The following WDFY1 variants were observed in gnomAD, a reference collection of about 807,000 sequenced individuals.
The protein encoded by WDFY1 is WD repeat and FYVE domain-containing protein 1.
A neutral mutation model predicts 56.4 loss-of-function variants in WDFY1; 32 were observed. The ratio of observed to expected loss-of-function variants is 0.57; its 90% confidence interval spans 0.43 to 0.76. The LOEUF (loss-of-function observed/expected upper bound fraction) is 0.76. Among genes scored for constraint, WDFY1 ranks in the 30% least tolerant of loss-of-function variants. The pLI is 0.00. For missense variants in WDFY1, 480 were observed against 545.7 expected (o/e 0.88, Z 1.20); for synonymous variants, 192 against 197.3 (o/e 0.97, Z 0.23).
chr2:223,922,060 C>G (rs1161965802), intron 1 of WDFY1, among the ~76,000 whole-genome samples: 5 of 152,174 alleles, frequency 3.3e-5, no homozygotes, highest in Non-Finnish European at 5.9e-5. Flanking sequence ...AACTGACAAC[C>G]TTAGCGCCTA....
At chr2:223,906,920 T>C (rs2106085811) in intron 3 of WDFY1, among the ~76,000 whole-genome samples, 1 of 151,268 alleles carries the variant, frequency 6.6e-6, no homozygotes, top group African/African-American at 2.4e-5. Context: ...GCTATGAAGA[T>C]AAAACTCTAA....
chr2:223,890,424 T>C (rs759557121), intron 8 of WDFY1, among the ~76,000 whole-genome samples: 40 of 152,074 alleles, frequency 2.6e-4, no homozygotes, highest in Non-Finnish European at 2.8e-4. Context: ...GTGACAAAAA[T>C]ATATGCTTAA....
At chr2:223,928,879 C>T (rs550170713) in intron 1 of WDFY1, among the ~76,000 whole-genome samples, 2 of 152,234 alleles carry the variant, frequency 1.3e-5, no homozygotes, top group African/African-American at 2.4e-5. Flanking sequence ...GTGGATTCAA[C>T]GTGTCTGCAG....
chr2:223,944,873 G>T (rs1374897396), intron 1 of WDFY1, among the ~76,000 whole-genome samples: 1 of 124,244 alleles, frequency 8.0e-6, no homozygotes, highest in East Asian at 2.5e-4. Context: ...GCGGTGAGAC[G>T]GAGTTCCCGG....
intron 1 of WDFY1, among the ~76,000 whole-genome samples, chr2:223,944,710 G>A (rs1174149674): frequency 2.7e-5 from 4 of 147,390 alleles, no homozygotes; most frequent in African/African-American, 5.1e-5. Context: ...TGGGACAAGG[G>A]TCCCGGACTG....
intron 1 of WDFY1, among the ~76,000 whole-genome samples, chr2:223,938,212 C>T (rs1049502636): frequency 6.6e-6 from 1 of 152,202 alleles, no homozygotes; most frequent in Non-Finnish European, 1.5e-5. Context: ...CTACGAGCCC[C>T]TAATGCAACA....
chr2:223,940,290 T>C (rs1256774598), intron 1 of WDFY1, among the ~76,000 whole-genome samples: 1 of 151,976 alleles, frequency 6.6e-6, no homozygotes. Context: ...CTGTGATGCA[T>C]GCAGTAAATA....
intron 1 of WDFY1, among the ~76,000 whole-genome samples, chr2:223,925,141 A>G (rs1043340713): frequency 5.3e-5 from 8 of 152,106 alleles, no homozygotes; most frequent in South Asian, 2.1e-4. Flanking sequence ...AATAGCTTAT[A>G]TAATCATTAC....
intron 6 of WDFY1, among the ~76,000 whole-genome samples, chr2:223,897,369 TATATATATATATATA>T (rs1693402311): frequency 3.2e-4 from 21 of 66,068 alleles, no homozygotes; most frequent in Middle Eastern, 6.1e-3. Context: ...TATATATATA[TATATATATATATATA>T]TATATATTTT....
At chr2:223,925,516 G>A (rs1574777448) in intron 1 of WDFY1, among the ~76,000 whole-genome samples, 2 of 152,212 alleles carry the variant, frequency 1.3e-5, no homozygotes, top group Admixed American at 1.3e-4. Flanking sequence ...TGATGCTGCT[G>A]ATCCATCAGG....
At chr2:223,888,053 A>T (rs1397929780) in intron 8 of WDFY1, among the ~76,000 whole-genome samples, 1 of 151,282 alleles carries the variant, frequency 6.6e-6, no homozygotes. Context: ...GTGAAACTGC[A>T]TCATCAAGAA....
At chr2:223,894,133 C>T in intron 8 of WDFY1, 101 bp downstream of exon 8, 2 of 1,141,620 alleles carry the variant, frequency 1.8e-6, no homozygotes, top group Admixed American at 2.0e-5. Flanking sequence ...GGACTGTCTG[C>T]ACCTGGACCA....
At position 223,875,415 on chromosome 2, in the gene WDFY1, C is replaced by T. The variant is rs963579356; in HGVS notation, c.*3256G>A. ...AAAAAACCCACAAAAACAGAACCCA[C>T]AAATAGGAGCAAAGAACAGTTTTCT... On this transcript the variant is annotated 3_prime_UTR_variant, in exon 12 of 12. Coordinates refer to ENST00000233055, the MANE Select transcript of WDFY1 (RefSeq NM_020830.5). 1 of 150,670 alleles carries T rather than the reference C, an allele frequency of 6.6e-6. No homozygotes were observed. Among genetic ancestry groups the T allele is most frequent in the African/African-American group, 2.4e-5 (1 of 41,052 alleles). The allele number at this position is 150,670 out of a possible 1,614,324, so 9.3% of individuals were successfully genotyped here. A position where few individuals can be genotyped will look rare whatever the true frequency, so the allele number is the denominator to read the frequency against.
intron 9 of WDFY1, among the ~76,000 whole-genome samples, chr2:223,882,633 T>A (rs750738561): frequency 6.6e-6 from 1 of 152,222 alleles, no homozygotes; most frequent in Admixed American, 6.5e-5. Flanking sequence ...ACAAACAATA[T>A]TATTAACAAC....
chr2:223,917,128 G>C lies in WDFY1; in HGVS notation c.205+815C>G, dbSNP rs642631. ...CAAGCCCGGCCTCCAGGGCTGCTTT[G>C]AAGTCTCAAAGCAGAAGATTCATCG... is the stretch of plus-strand genomic sequence containing the variant. On this transcript the variant is annotated intron_variant, in intron 2 of 11. Transcript: ENST00000233055. Among the ~76,000 whole-genome samples, 285 of 152,206 alleles carry C rather than the reference G, an allele frequency of 1.9e-3. 1 individual carries two copies. Among genetic ancestry groups the C allele is most frequent in the African/African-American group, 6.7e-3 (279 of 41,506 alleles).
At chr2:223,893,244 C>T (rs1050526443) in intron 8 of WDFY1, among the ~76,000 whole-genome samples, 6 of 151,666 alleles carry the variant, frequency 4.0e-5, no homozygotes, top group Admixed American at 4.0e-4. Context: ...AGAATGTACA[C>T]AGTGCCTCAT....
intron 3 of WDFY1, 119 bp from the exon 4 acceptor site, chr2:223,906,120 A>T: frequency 1.4e-6 from 1 of 710,548 alleles, no homozygotes. Context: ...CCTAGGACTT[A>T]AGGCGAGTTA....
chr2:223,918,153 A>G, intron 1 of WDFY1, 143 bp from the exon 2 acceptor site: 1 of 696,692 alleles, frequency 1.4e-6, no homozygotes, highest in South Asian at 1.9e-5. Flanking sequence ...GGACAAATAT[A>G]TACATACATG....
At chr2:223,895,284 T>C (rs540923445) in intron 7 of WDFY1, among the ~76,000 whole-genome samples, 2 of 151,398 alleles carry the variant, frequency 1.3e-5, no homozygotes, top group South Asian at 4.1e-4. Context: ...AGCCCTGCAT[T>C]TGTTTTTTTG....
Sources: gnomAD v4.1 joint callset for allele counts (sites outside exome capture counted in the v4.1 genomes callset) on GRCh38, gnomAD v4.1.1 for gene constraint, MANE v1.5 for transcripts, NCBI Gene and HGNC (gene_info 2026-07-23, HGNC 2026-07-21) for gene names.